PCCA: variants seen among roughly 807,000 people sequenced by gnomAD.
PCCA encodes propionyl-CoA carboxylase alpha chain, mitochondrial.
A neutral mutation model predicts 101.3 loss-of-function variants in PCCA; 74 were observed. The observed-to-expected ratio is 0.73, with a 90% CI of 0.61 to 0.89. The LOEUF is 0.89. PCCA is among the 40% of genes least tolerant of loss of function. The pLI is 0.00. For synonymous variants in PCCA, 294 were observed against 313.6 expected, an observed-to-expected ratio of 0.94 and a Z score of 0.66; for missense variants, 891 against 907.0, an observed-to-expected ratio of 0.98 and a Z score of 0.23.
chr13:100,422,780 T>C (rs1422825349), intron 19 of PCCA, among the ~76,000 whole-genome samples: 2 of 152,130 alleles, frequency 1.3e-5, no homozygotes, highest in East Asian at 3.9e-4. Flanking sequence ...CCATTTTTTT[T>C]CTGAGTTCTA....
intron 7 of PCCA, among the ~76,000 whole-genome samples, chr13:100,232,256 G>A (rs772180748): frequency 4.0e-5 from 6 of 151,604 alleles, no homozygotes; most frequent in Non-Finnish European, 8.8e-5. Flanking sequence ...TCCTCATCTA[G>A]GATTTTTATA....
intron 19 of PCCA, among the ~76,000 whole-genome samples, chr13:100,413,739 C>G (rs1438287550): frequency 6.6e-6 from 1 of 152,108 alleles, no homozygotes; most frequent in East Asian, 1.9e-4. Flanking sequence ...AACTGAGGTT[C>G]AAACACAAGC....
intron 1 of PCCA, 151 bp from the exon 2 acceptor site, chr13:100,102,732 C>T (rs2047384254): frequency 3.1e-6 from 2 of 635,818 alleles, no homozygotes; most frequent in African/African-American, 3.6e-5. Flanking sequence ...GATATGATTT[C>T]CCTTTTGTAA....
intron 19 of PCCA, among the ~76,000 whole-genome samples, chr13:100,424,923 G>A (rs976607237): frequency 6.6e-6 from 1 of 152,200 alleles, no homozygotes; most frequent in African/African-American, 2.4e-5. Context: ...GCATCAGTGA[G>A]TGAAAGGAAG....
At chr13:100,422,146 T>TTTC (rs2078869402) in intron 19 of PCCA, among the ~76,000 whole-genome samples, 2 of 146,996 alleles carry the variant, frequency 1.4e-5, no homozygotes, top group African/African-American at 5.0e-5. Context: ...TTTTTTTTTT[T>TTTC]TTTTTTGACA....
At chr13:100,229,507 A>G (rs2060342767) in intron 7 of PCCA, among the ~76,000 whole-genome samples, 1 of 152,196 alleles carries the variant, frequency 6.6e-6, no homozygotes, top group African/African-American at 2.4e-5. Context: ...GCATGCTTAT[A>G]CTGGTCCAAG....
chr13:100,169,703 T>TTA (rs1325325044), intron 6 of PCCA, among the ~76,000 whole-genome samples: 1 of 6,964 alleles, frequency 1.4e-4, no homozygotes, highest in Non-Finnish European at 2.7e-4. Context: ...AATTTCTGTA[T>TTA]TTTTTTTTTT....
intron 7 of PCCA, among the ~76,000 whole-genome samples, chr13:100,217,619 T>A (rs1395057564): frequency 1.5e-3 from 221 of 149,840 alleles, no homozygotes; most frequent in African/African-American, 5.3e-3. Flanking sequence ...TGAATATGCT[T>A]CTTAAAAAAA....
chr13:100,437,650 T>TTCTTTGTTTTAATTAATTAGC (rs2080039948), intron 20 of PCCA, among the ~76,000 whole-genome samples: 1 of 150,318 alleles, frequency 6.7e-6, no homozygotes, highest in African/African-American at 2.5e-5. Context: ...TATTTAAAAT[T>TTCTTTGTTTTAATTAATTAGC]TCTTTGTTTT....
At chr13:100,399,744 A>T (rs1234801562) in intron 19 of PCCA, among the ~76,000 whole-genome samples, 1 of 152,248 alleles carries the variant, frequency 6.6e-6, no homozygotes, top group Non-Finnish European at 1.5e-5. Flanking sequence ...ACTAACAGGA[A>T]CACTTTATTC....
At chr13:100,354,190 C>T (rs919464978) in intron 18 of PCCA, among the ~76,000 whole-genome samples, 2 of 150,032 alleles carry the variant, frequency 1.3e-5, no homozygotes, top group East Asian at 2.0e-4. Flanking sequence ...GTGGGAGGAT[C>T]GGTTGAGCCC....
intron 16 of PCCA, among the ~76,000 whole-genome samples, chr13:100,327,975 G>A (rs1298365233): frequency 1.3e-5 from 2 of 152,128 alleles, no homozygotes; most frequent in Non-Finnish European, 2.9e-5. Context: ...TATAATCCTA[G>A]TACTTTGGGA....
chr13:100,447,702 G>T (rs1041759333), intron 20 of PCCA, among the ~76,000 whole-genome samples: 11 of 151,920 alleles, frequency 7.2e-5, no homozygotes, highest in Admixed American at 7.2e-4. Context: ...AGTGACATGG[G>T]TCAAAATGCT....
intron 14 of PCCA, among the ~76,000 whole-genome samples, chr13:100,303,909 G>A (rs1376516562): frequency 1.3e-5 from 2 of 152,172 alleles, no homozygotes; most frequent in Admixed American, 6.5e-5. Context: ...ATTATGTGAC[G>A]TTAAATAGCA....
intron 14 of PCCA, among the ~76,000 whole-genome samples, chr13:100,304,506 T>G (rs1393798233): frequency 1.3e-5 from 2 of 152,156 alleles, no homozygotes; most frequent in African/African-American, 2.4e-5. Flanking sequence ...CTTGGAAGCA[T>G]TTAATCAGAT....
At chr13:100,445,429 T>C (rs770271607) in intron 20 of PCCA, among the ~76,000 whole-genome samples, 2 of 152,244 alleles carry the variant, frequency 1.3e-5, no homozygotes, top group East Asian at 3.8e-4. Context: ...TTATTCTGTA[T>C]GTGAGGTACA....
intron 16 of PCCA, among the ~76,000 whole-genome samples, chr13:100,310,169 C>T (rs2066799554): frequency 6.6e-6 from 1 of 152,250 alleles, no homozygotes; most frequent in East Asian, 1.9e-4. Context: ...CACAGGCCTT[C>T]AGGAGGGCGT....
At chr13:100,224,507 G>C (rs499180) in intron 7 of PCCA, among the ~76,000 whole-genome samples, 74,397 of 152,142 alleles carry the variant, frequency 0.49, 18,582 homozygotes, top group East Asian at 0.72. Context: ...CACAGTGCAG[G>C]GGTGGGCTGA....
At chr13:100,504,943 A>G (rs950714638) in intron 21 of PCCA, among the ~76,000 whole-genome samples, 1 of 152,038 alleles carries the variant, frequency 6.6e-6, no homozygotes. Context: ...TCAAAAAAAA[A>G]AGAATTCACT....
Sources: allele counts gnomAD v4.1 joint callset (sites outside exome capture counted in the v4.1 genomes callset), GRCh38; gene constraint gnomAD v4.1.1; transcripts MANE v1.5; gene names NCBI Gene and HGNC (gene_info 2026-07-23, HGNC 2026-07-21).